The following MFSD12 variants were observed in gnomAD, a reference collection of about 807,000 sequenced individuals.
MFSD12 encodes major facilitator superfamily domain-containing protein 12.
A neutral mutation model predicts 51.2 loss-of-function variants in MFSD12; 67 were observed. That is an observed-to-expected ratio of 1.31 (90% CI 1.08 to 1.60). MFSD12 has a LOEUF of 1.60. Among genes scored for constraint, MFSD12 ranks in the 40% most tolerant of loss-of-function variants. The probability of loss-of-function intolerance (pLI) is 0.00; values close to 1 mark genes in which losing one functional copy is unlikely to be tolerated. For synonymous variants in MFSD12, 441 were observed against 316.7 expected, an observed-to-expected ratio of 1.39 and a Z score of -4.17; for missense variants, 921 against 673.0, an observed-to-expected ratio of 1.37 and a Z score of -4.08.
chr19:3,544,553 TGCCCTCACCC>T lies in MFSD12; in HGVS notation c.*147_*156del, dbSNP rs1000999840. On this transcript the variant is annotated 3_prime_UTR_variant, in exon 10 of 10. Transcript: ENST00000355415. The stretch of plus-strand genomic sequence containing the variant: ...GCAAGTCCCTGGCGGGCATCCCTGC[TGCCCTCACCC>T]GACCCCACCCCCGGGAGCTGGGTGA... The T allele has an allele frequency of 7.0e-7, 1 of 1,431,570 alleles. No individual in the cohort carries two copies. The highest frequency in any genetic ancestry group is 9.1e-7 in the Non-Finnish European group (1 of 1,096,444). The allele number at this position is 1,431,570 out of a possible 1,614,324, so 88.7% of individuals were successfully genotyped here. A position where few individuals can be genotyped will look rare whatever the true frequency, so the allele number is the denominator to read the frequency against.
rs1568264886 is a variant in MFSD12 at position 3,557,159 on chromosome 19, C to A, written c.245G>T (p.Arg82Leu). ...CTPLVGYEAD[R>L]AASCCARYGP... ...GTAGCGGGCGCAGCAGCTGGCGGCG[C>A]GGTCGGCCTCGTAGCCCACGAGCGG... Residue 82 changes from arginine to leucine, a missense_variant, in exon 1 of 10, where the codon CGC (arginine) becomes CTC (leucine). Physicochemically the swap from Arg to Leu is moderately radical, Grantham distance 102. Transcript: ENST00000355415. 6.6e-7 allele frequency: 1 copy of A among 1,521,416 alleles called. No individual in the cohort carries two copies. The highest frequency in any genetic ancestry group is 1.2e-5 in the South Asian group (1 of 81,096). 94.2% of individuals were successfully genotyped at this position (1,521,416 alleles called of 1,614,324 possible). A position where few individuals can be genotyped will look rare whatever the true frequency, so the allele number is the denominator to read the frequency against.
At chr19:3,539,227 CCCT>C, downstream of MFSD12, 10 of 1,550,546 alleles carry the variant, frequency 6.4e-6, no homozygotes, top group Non-Finnish European at 8.7e-6. Flanking sequence ...CCCTCGGGGA[CCCT>C]CGAGGCCAGC....
At chr19:3,539,154 G>T in intron 4 of MFSD12, 1 of 1,533,732 alleles carries the variant, frequency 6.5e-7, no homozygotes, top group Non-Finnish European at 8.8e-7. Context: ...CCTTCTGGCA[G>T]GAGCCCGGGG....
At chr19:3,550,235 C>T (rs924229947) in intron 2 of MFSD12, among the ~76,000 whole-genome samples, 1 of 152,016 alleles carries the variant, frequency 6.6e-6, no homozygotes, top group Non-Finnish European at 1.5e-5. Context: ...GACTCCTGAC[C>T]CCCAGAAACT....
At position 3,546,298 on chromosome 19, in the gene MFSD12, A is replaced by C. The variant is rs1359882081; in HGVS notation, c.1151T>G (p.Val384Gly). 48 of 1,610,320 alleles carry C rather than the reference A, an allele frequency of 3.0e-5. No homozygotes were observed. Among genetic ancestry groups the C allele is most frequent in the Non-Finnish European group, 4.1e-5 (48 of 1,179,106 alleles). Residue 384 changes from valine to glycine, a missense_variant, in exon 7 of 10, where the codon GTC (valine) becomes GGC (glycine). By Grantham distance (109) the Val-to-Gly change is moderately radical (BLOSUM62 -3). Coordinates refer to ENST00000355415, the MANE Select transcript of MFSD12 (RefSeq NM_174983.5). ...GTCGGCCGTCATGGCCAGCGAGGTGACGAGGATGGTGGCACAGCCAGCACC... is the reference window on the plus strand; with the variant it reads ...GTCGGCCGTCATGGCCAGCGAGGTGCCGAGGATGGTGGCACAGCCAGCACC... ...LLGAGCATIL[V>G]TSLAMTADLI... is the part of the protein sequence containing the mutation.
downstream of MFSD12, chr19:3,543,362 G>A (rs1194375916): frequency 5.2e-6 from 8 of 1,549,268 alleles, no homozygotes; most frequent in Non-Finnish European, 7.0e-6. Context: ...GACCAACTCG[G>A]ACGCCTGGGA....
intron 2 of MFSD12, among the ~76,000 whole-genome samples, chr19:3,548,779 G>A (rs1217079208): frequency 6.6e-6 from 1 of 152,230 alleles, no homozygotes; most frequent in African/African-American, 2.4e-5. Context: ...ACAGCAGGAG[G>A]TCAGCTGGCA....
downstream of MFSD12, chr19:3,539,777 C>G (rs1395481228): frequency 6.4e-6 from 1 of 156,062 alleles, no homozygotes; most frequent in Non-Finnish European, 1.4e-5. Context: ...TTAGCTGCAT[C>G]TGCTAAAACC....
chr19:3,546,153 C>T lies in MFSD12; in HGVS notation c.1210G>A (p.Val404Met), dbSNP rs759351452. ...TCCAAGAAGCTCATGGAGCCGTACA[C>T]GAACGCTCCGCTGTTCTGTGGAGAC... ...IGPHTNSGAF[V>M]YGSMSFLDKV... is the part of the protein sequence containing the mutation. The change falls in exon 8 of 10, where the codon GTG becomes ATG. Residue 404 changes from valine to methionine, a missense_variant. Physicochemically the swap from Val to Met is conservative, Grantham distance 21. Coordinates refer to ENST00000355415, the MANE Select transcript of MFSD12 (RefSeq NM_174983.5). The T allele has an allele frequency of 1.6e-5, 26 of 1,613,044 alleles. No homozygotes were observed. Among genetic ancestry groups the T allele is most frequent in the East Asian group, 4.5e-5 (2 of 44,904 alleles).
chr19:3,552,801 T>A (rs1435354010), intron 1 of MFSD12, among the ~76,000 whole-genome samples: 1 of 152,208 alleles, frequency 6.6e-6, no homozygotes, highest in Non-Finnish European at 1.5e-5. Flanking sequence ...CAGTATCTTC[T>A]GAGTGAGTAA....
intron 8 of MFSD12, among the ~76,000 whole-genome samples, chr19:3,545,240 G>A (rs2030894681): frequency 6.6e-6 from 1 of 152,210 alleles, no homozygotes; most frequent in Non-Finnish European, 1.5e-5. Flanking sequence ...TCCCCCAGCA[G>A]CTGTCCTCCC....
At chr19:3,546,992 G>A (rs970496602) in intron 6 of MFSD12, among the ~76,000 whole-genome samples, 10 of 152,134 alleles carry the variant, frequency 6.6e-5, no homozygotes, top group South Asian at 2.1e-4. Flanking sequence ...CGCCACCAAC[G>A]CCCGGCTAAT....
At chr19:3,552,140 C>A (rs565349256) in intron 1 of MFSD12, among the ~76,000 whole-genome samples, 1 of 152,272 alleles carries the variant, frequency 6.6e-6, no homozygotes, top group South Asian at 2.1e-4. Flanking sequence ...CTGGGGAGAC[C>A]CAGCATGGAA....
chr19:3,547,969 G>A lies in MFSD12; in HGVS notation c.716C>T (p.Thr239Ile), dbSNP rs572245945. The A allele has an allele frequency of 3.1e-6, 5 of 1,597,568 alleles. No individual in the cohort carries two copies. In the African/African-American group the frequency reaches 6.7e-5, roughly 21 times the overall value. Reference sequence around the variant, plus strand: ...CGCATGCGGCCGGCGCCTCTCCCGGGTGCCCAGGTGGAATAGCAGTGAGAA... The same window carrying A: ...CGCATGCGGCCGGCGCCTCTCCCGGATGCCCAGGTGGAATAGCAGTGAGAA... ...AVFSLLFHLG[T>I]RERRRPHAEE... Residue 239 changes from threonine (T) to isoleucine (I), a missense_variant, in exon 4 of 10, where the codon ACC (threonine) becomes ATC (isoleucine). Transcript: ENST00000355415.
chr19:3,546,596 T>C (rs559841435), intron 6 of MFSD12, among the ~76,000 whole-genome samples, 171 bp from the exon 7 acceptor site: 28 of 152,366 alleles, frequency 1.8e-4, no homozygotes, highest in Non-Finnish European at 3.5e-4. Context: ...AGATCCTCCA[T>C]GCCAGAGCTG....
downstream of MFSD12, among the ~76,000 whole-genome samples, chr19:3,540,459 T>C (rs967966240): frequency 3.4e-5 from 5 of 148,846 alleles, no homozygotes; most frequent in African/African-American, 1.2e-4. Context: ...GGTTTCACCA[T>C]GTTGGCCAGG....
intron 2 of MFSD12, 118 bp from the exon 3 acceptor site, chr19:3,548,385 C>G (rs1304767007): frequency 1.5e-6 from 2 of 1,335,424 alleles, no homozygotes. Context: ...TGATTCCAAC[C>G]ACTGCCACAC....
At position 3,557,450 on chromosome 19, in the gene MFSD12, A is replaced by G; in HGVS notation, c.-47T>C. 8.7e-7 allele frequency: 1 copy of G among 1,154,222 alleles called. No individual in the cohort carries two copies. The highest frequency in any genetic ancestry group is 1.1e-6 in the Non-Finnish European group (1 of 927,962). The allele number at this position is 1,154,222 out of a possible 1,614,324, so 71.5% of individuals were successfully genotyped here. A position where few individuals can be genotyped will look rare whatever the true frequency, so the allele number is the denominator to read the frequency against. ...CCCACCCCCGGGCTCCGCGGAGGGT[A>G]CCCTGGCCAGGCCTTCTTGGGTGCC... On this transcript the variant is annotated 5_prime_UTR_variant, in exon 1 of 10. Transcript: ENST00000355415.
intron 8 of MFSD12, 82 bp from the exon 9 acceptor site, chr19:3,545,021 C>A: frequency 1.3e-6 from 2 of 1,495,458 alleles, no homozygotes; most frequent in Middle Eastern, 2.3e-4. Context: ...CTCCCCTCAC[C>A]CCCGACAGCG....
Sources: gnomAD v4.1 joint callset for allele counts (sites outside exome capture counted in the v4.1 genomes callset) on GRCh38, gnomAD v4.1.1 for gene constraint, MANE v1.5 for transcripts, NCBI Gene and HGNC (gene_info 2026-07-23, HGNC 2026-07-21) for gene names.